Variants in TOR2A observed in about 807,000 individuals in gnomAD.
TOR2A encodes the protein prosalusin.
In TOR2A, 24 loss-of-function variants were observed where a neutral mutation model predicts 28.6. The observed-to-expected ratio is 0.84, with a 90% CI of 0.61 to 1.18. The LOEUF is 1.18. TOR2A is among the 50% of genes most tolerant of loss of function. TOR2A has a pLI of 0.00. For synonymous variants in TOR2A, 203 were observed against 203.1 expected, an observed-to-expected ratio of 1.00 and a Z score of 0.00; for missense variants, 426 against 448.1, an observed-to-expected ratio of 0.95 and a Z score of 0.45.
chr9:127,732,647 C>T lies in TOR2A; in HGVS notation c.638G>A (p.Trp213Ter). 6.4e-7 allele frequency: 1 copy of T among 1,571,550 alleles called. No individual in the cohort carries two copies. The highest frequency in any genetic ancestry group is 2.3e-5 in the East Asian group (1 of 42,768). ...KQINQVALEA[W>*]RSRRDREEIL... ...CTCCTCGCGGTCCCGCCGGCTGCGC[C>T]ACGCCTCCAATGCCACCTGGTTGAT... Residue 213 changes from tryptophan (W) to a stop codon, truncating the protein, a stop_gained, in exon 4 of 5, where the codon TGG becomes TAG. Transcript: ENST00000373284. LOFTEE classifies it high-confidence loss of function.
Sources: gnomAD v4.1 joint callset for allele counts on GRCh38, gnomAD v4.1.1 for gene constraint, MANE v1.5 for transcripts, NCBI Gene and HGNC (gene_info 2026-07-23, HGNC 2026-07-21) for gene names.